ALG12: variants seen among roughly 807,000 people sequenced by gnomAD.
ALG12 encodes dol-P-Man:Man(7)GlcNAc(2)-PP-Dol alpha-1,6-mannosyltransferase.
Under a neutral mutation model 46.0 loss-of-function variants are expected in ALG12, and 36 were observed. The observed-to-expected ratio is 0.78, with a 90% CI of 0.60 to 1.03. The LOEUF (loss-of-function observed/expected upper bound fraction) is 1.03, where lower values mean the gene tolerates loss of function less well. Ranked by LOEUF, ALG12 falls within the 50% of genes least tolerant of loss-of-function variation. ALG12 has a pLI of 0.00. For synonymous variants in ALG12, 326 were observed against 291.6 expected, an observed-to-expected ratio of 1.12 and a Z score of -1.20; for missense variants, 599 against 633.5, an observed-to-expected ratio of 0.95 and a Z score of 0.58.
Position 49,901,333 on chromosome 22 carries a change from C to A in ALG12, c.*2505G>T, listed in dbSNP as rs139143536. 6.6e-6 allele frequency: 1 copy of A among 152,386 alleles called. No individual in the cohort carries two copies. The highest frequency in any genetic ancestry group is 2.4e-5 in the African/African-American group (1 of 41,568). The allele number at this position is 152,386 out of a possible 1,614,324, so 9.4% of individuals were successfully genotyped here. A position where few individuals can be genotyped will look rare whatever the true frequency, so the allele number is the denominator to read the frequency against. On this transcript the variant is annotated 3_prime_UTR_variant, in exon 10 of 10. Coordinates refer to ENST00000330817, the MANE Select transcript of ALG12 (RefSeq NM_024105.4). ...GTCAGGAAGTGTCTGCACAGATGTT[C>A]GCCAGACGCAATGGGAAAACCAGGA...
At chr22:49,863,286 A>G in the ALG12 span, among the ~76,000 whole-genome samples, 6 of 152,140 alleles carry the variant, frequency 3.9e-5, no homozygotes, top group Admixed American at 2.0e-4. Flanking sequence ...CAGCCTCCCT[A>G]ATAACTGGGA....
At chr22:49,885,657 G>T in the ALG12 span, 1 of 1,612,874 alleles carries the variant, frequency 6.2e-7, no homozygotes, top group Non-Finnish European at 8.5e-7. Context: ...TAGCTGAAAT[G>T]ATTGCACTTG....
At chr22:49,885,247 G>C in the ALG12 span, 1 of 1,606,022 alleles carries the variant, frequency 6.2e-7, no homozygotes. Context: ...TGCCACTTTG[G>C]CCTCTGCAGA....
chr22:49,859,704 G>GTTAAAATTAATTTTAATTTTCA, the ALG12 span, among the ~76,000 whole-genome samples: 1 of 152,316 alleles, frequency 6.6e-6, no homozygotes, highest in South Asian at 2.1e-4. Flanking sequence ...TTGAATTATA[G>GTTAAAATTAATTTTAATTTTCA]TTAAAATTAA....
chr22:49,871,615 C>G, the ALG12 span, among the ~76,000 whole-genome samples: 7 of 152,266 alleles, frequency 4.6e-5, no homozygotes, highest in African/African-American at 1.7e-4. Flanking sequence ...TCATCTGAGC[C>G]TTCAGCAACT....
chr22:49,862,693 CTTTTTTTTTTTTTTT>C, the ALG12 span, among the ~76,000 whole-genome samples: 10 of 58,988 alleles, frequency 1.7e-4, no homozygotes, highest in Admixed American at 2.7e-4. Context: ...TAAGTTTTTC[CTTTTTTTTTTTTTTT>C]TTTTTTTTTT....
chr22:49,861,988 GCCTGA>G, the ALG12 span, among the ~76,000 whole-genome samples: 2 of 152,204 alleles, frequency 1.3e-5, no homozygotes, highest in Non-Finnish European at 2.9e-5. Flanking sequence ...GTGGGAGAGG[GCCTGA>G]CCAACAGAGG....
the ALG12 span, among the ~76,000 whole-genome samples, chr22:49,882,592 T>G: frequency 6.6e-6 from 1 of 152,208 alleles, no homozygotes; most frequent in African/African-American, 2.4e-5. Flanking sequence ...GTTACACCCT[T>G]ACAGCTCCTG....
rs1321794177 is a variant in ALG12 at position 49,902,107 on chromosome 22, T to C, written c.*1731A>G. 36 of 141,210 alleles carry C rather than the reference T, an allele frequency of 2.5e-4. 1 individual carries two copies. The highest frequency in any genetic ancestry group is 9.4e-4 in the African/African-American group (33 of 35,216). 8.7% of individuals were successfully genotyped at this position (141,210 alleles called of 1,614,324 possible). A position where few individuals can be genotyped will look rare whatever the true frequency, so the allele number is the denominator to read the frequency against. On this transcript the variant is annotated 3_prime_UTR_variant, in exon 10 of 10. Transcript: ENST00000330817. ...ATGGTGTGTGCACGTGTGCACTGTG[T>C]ATGCATGGTAATGTGCACGTGTGCA... is the stretch of plus-strand genomic sequence containing the variant.
Position 49,906,932 on chromosome 22 carries a change from C to T in ALG12, c.992+789G>A, listed in dbSNP as rs543588234. 2.8e-4 allele frequency among the ~76,000 whole-genome samples: 42 copies of T among 152,224 alleles called. No homozygotes were observed. The highest frequency in any genetic ancestry group is 7.5e-4 in the African/African-American group (31 of 41,544). ...GGCTTGCAACACTGAGTGGCAGCCGCGCTCAGACCACCCCACCCTCAGCCC... is the reference window on the plus strand; with the variant it reads ...GGCTTGCAACACTGAGTGGCAGCCGTGCTCAGACCACCCCACCCTCAGCCC... On this transcript the variant is annotated intron_variant, in intron 7 of 9. Coordinates refer to ENST00000330817, the MANE Select transcript of ALG12 (RefSeq NM_024105.4). This position sits in a 1 kb window ranked among gnomAD's most constrained non-coding sequence, Gnocchi z 4.4.
Position 49,905,492 on chromosome 22 carries a change from C to T in ALG12, c.993-986G>A, listed in dbSNP as rs1013473711. Among the ~76,000 whole-genome samples the T allele has an allele frequency of 6.6e-6, 1 of 152,184 alleles. No homozygotes were observed. The highest frequency in any genetic ancestry group is 2.4e-5 in the African/African-American group (1 of 41,458). On this transcript the variant is annotated intron_variant, in intron 7 of 9. Coordinates refer to ENST00000330817, the MANE Select transcript of ALG12 (RefSeq NM_024105.4). The surrounding 1 kb of genome is among the most constrained non-coding windows in gnomAD (Gnocchi z 4.9). ...GGTGGAGCCCTCAGGAATGGATTAG[C>T]GCCATCCCCTCCATGCTGTTCTCCT...
At chr22:49,874,534 C>T in the ALG12 span, among the ~76,000 whole-genome samples, 1 of 150,680 alleles carries the variant, frequency 6.6e-6, no homozygotes, top group African/African-American at 2.4e-5. Flanking sequence ...TACAGGGGCC[C>T]ACCACCATTT....
the ALG12 span, among the ~76,000 whole-genome samples, chr22:49,872,701 T>A: frequency 2.6e-5 from 4 of 151,052 alleles, no homozygotes; most frequent in East Asian, 1.9e-4. Context: ...GGCTAATTTT[T>A]AAATTTTTTT....
intron 3 of ALG12, 73 bp downstream of exon 3, chr22:49,913,312 C>G: frequency 6.2e-7 from 1 of 1,601,080 alleles, no homozygotes; most frequent in Admixed American, 1.7e-5. Flanking sequence ...CAGGAGGGAC[C>G]GCGGCCTCGC....
At chr22:49,885,934 C>G in the ALG12 span, 15 of 817,046 alleles carry the variant, frequency 1.8e-5, no homozygotes, top group African/African-American at 1.7e-4. Context: ...GTCGCCAGCC[C>G]GGCCGCGCTG....
chr22:49,862,092 A>T, the ALG12 span, among the ~76,000 whole-genome samples: 6 of 152,212 alleles, frequency 3.9e-5, no homozygotes. Context: ...TTCAATCTGA[A>T]TGTGAAAAAT....
At chr22:49,881,151 G>C in the ALG12 span, among the ~76,000 whole-genome samples, 1 of 152,084 alleles carries the variant, frequency 6.6e-6, no homozygotes, top group African/African-American at 2.4e-5. Context: ...TTCAAGACCA[G>C]CCTGGCCAAC....
chr22:49,885,234 G>A, the ALG12 span: 90 of 1,611,430 alleles, frequency 5.6e-5, 1 homozygote, highest in African/African-American at 5.9e-4. Flanking sequence ...CAAACTCTCC[G>A]TATGCCACTT....
At chr22:49,909,837 T>C (rs780129899) in intron 5 of ALG12, 57 bp downstream of exon 5, 5 of 1,608,962 alleles carry the variant, frequency 3.1e-6, no homozygotes, top group South Asian at 2.2e-5. Flanking sequence ...CTCTTGACCT[T>C]TGTAAAACAA....
Sources: allele counts gnomAD v4.1 joint callset (sites outside exome capture counted in the v4.1 genomes callset), GRCh38; gene constraint gnomAD v4.1.1; non-coding constraint Gnocchi (gnomAD v3.1); transcripts MANE v1.5; gene names NCBI Gene and HGNC (gene_info 2026-07-23, HGNC 2026-07-21).